Variants in ADGRV1 observed in about 807,000 individuals in gnomAD.
The protein encoded by ADGRV1 is adhesion G protein-coupled receptor V1, also known as G-protein coupled receptor 98.
A neutral mutation model predicts 596.2 loss-of-function variants in ADGRV1; 359 were observed. The ratio of observed to expected loss-of-function variants is 0.60; its 90% CI spans 0.55 to 0.66. ADGRV1 has a LOEUF of 0.66. Ranked by LOEUF, ADGRV1 falls within the 30% of genes least tolerant of loss-of-function variation. The pLI, the probability that ADGRV1 is intolerant of heterozygous loss-of-function variation, is 0.00. For missense variants in ADGRV1, 7,274 were observed against 7,575.6 expected (o/e 0.96, Z 1.48); for synonymous variants, 2,681 against 2,679.2 (o/e 1.00, Z -0.02).
At chr5:90,835,587 G>GA (rs758685728) in intron 77 of ADGRV1, among the ~76,000 whole-genome samples, 2 of 152,056 alleles carry the variant, frequency 1.3e-5, no homozygotes, top group South Asian at 4.2e-4. Flanking sequence ...ATAAAGGCAA[G>GA]AAAAATATTG....
At chr5:91,074,263 A>G (rs1159134707) in intron 86 of ADGRV1, among the ~76,000 whole-genome samples, 2 of 152,114 alleles carry the variant, frequency 1.3e-5, no homozygotes, top group Non-Finnish European at 2.9e-5. Flanking sequence ...TGTACAGATT[A>G]TTTCACCACC....
intron 85 of ADGRV1, among the ~76,000 whole-genome samples, chr5:90,988,425 G>A (rs1780672252): frequency 6.6e-6 from 1 of 152,136 alleles, no homozygotes; most frequent in Non-Finnish European, 1.5e-5. Flanking sequence ...CTTATGGAAA[G>A]CAGTGAAAAT....
chr5:90,974,325 T>C (rs187582560), intron 84 of ADGRV1, among the ~76,000 whole-genome samples: 2,508 of 152,276 alleles, frequency 0.016, 64 homozygotes, highest in African/African-American at 0.056. Flanking sequence ...CCAATGACTT[T>C]CTTCACAGAA....
intron 83 of ADGRV1, among the ~76,000 whole-genome samples, chr5:90,882,512 T>G (rs1009908400): frequency 2.0e-5 from 3 of 152,212 alleles, no homozygotes; most frequent in African/African-American, 7.2e-5. Flanking sequence ...CCTATATATT[T>G]CTTCATTACA....
chr5:90,785,113 C>A (rs1759285650), intron 67 of ADGRV1, among the ~76,000 whole-genome samples: 1 of 151,968 alleles, frequency 6.6e-6, no homozygotes, highest in Non-Finnish European at 1.5e-5. Flanking sequence ...AAAAATAACA[C>A]CACACATCTA....
At chr5:90,583,364 A>C (rs1479468281) in intron 1 of ADGRV1, among the ~76,000 whole-genome samples, 1 of 152,182 alleles carries the variant, frequency 6.6e-6, no homozygotes, top group East Asian at 1.9e-4. Context: ...GAAGCACTCT[A>C]ACATGAGTTT....
At chr5:90,662,427 T>A (rs551181094) in intron 21 of ADGRV1, among the ~76,000 whole-genome samples, 1 of 152,024 alleles carries the variant, frequency 6.6e-6, no homozygotes, top group Non-Finnish European at 1.5e-5. Context: ...TCTCCTGACC[T>A]CGTGATCCAC....
At chr5:90,770,425 C>T (rs1757569611) in intron 59 of ADGRV1, among the ~76,000 whole-genome samples, 1 of 152,170 alleles carries the variant, frequency 6.6e-6, no homozygotes, top group South Asian at 2.1e-4. Context: ...CTTTGTGGTA[C>T]TTCTTGTTAT....
chr5:90,796,241 A>G (rs898164050), intron 70 of ADGRV1, among the ~76,000 whole-genome samples: 5 of 152,184 alleles, frequency 3.3e-5, no homozygotes, highest in African/African-American at 1.2e-4. Flanking sequence ...AAAAGGTTAG[A>G]TGAATTGCTA....
chr5:90,711,130 C>G, intron 40 of ADGRV1, 54 bp from the exon 41 acceptor site: 5 of 1,581,000 alleles, frequency 3.2e-6, no homozygotes, highest in Non-Finnish European at 4.3e-6. Context: ...ATAAAAGTTT[C>G]TAAGGGAAAA....
intron 85 of ADGRV1, among the ~76,000 whole-genome samples, chr5:91,033,845 C>T (rs1286782380): frequency 3.3e-5 from 5 of 152,176 alleles, no homozygotes; most frequent in Non-Finnish European, 7.3e-5. Context: ...GATTCTTACA[C>T]ATCAGTACTG....
At position 90,991,759 on chromosome 5, in the gene ADGRV1, A is replaced by G. The variant is rs936960209; in HGVS notation, c.18152+6237A>G. 6.6e-5 allele frequency among the ~76,000 whole-genome samples: 10 copies of G among 152,382 alleles called. No individual in the cohort carries two copies. In the Middle Eastern group the frequency reaches 0.01, roughly 155 times the overall value. On this transcript the variant is annotated intron_variant, in intron 85 of 89. Coordinates refer to ENST00000405460, the MANE Select transcript of ADGRV1 (RefSeq NM_032119.4). ...CTATATTAGAAGAAATGTTATTAAT[A>G]TAGAGGACAAATCTCTATTCTAAAT...
chr5:91,112,149 G>A (rs1447083246), intron 87 of ADGRV1, among the ~76,000 whole-genome samples: 1 of 152,068 alleles, frequency 6.6e-6, no homozygotes, highest in Non-Finnish European at 1.5e-5. Context: ...TTTCACTTTT[G>A]TTTCATCTGG....
Position 90,637,838 on chromosome 5 carries a change from T to G in ADGRV1, c.2130T>G (p.Phe710Leu), listed in dbSNP as rs1357523123. ...TGACCCCGGATGATATAGGCCCCTT[T>G]AATGGCTCTGTTTTGTTTTTATCTG... is the stretch of plus-strand genomic sequence containing the variant. ...KAVTPDDIGP[F>L]NGSVLFLSGQ... The change falls in exon 11 of 90, where the codon TTT becomes TTG. Residue 710 changes from phenylalanine (F) to leucine (L), a missense_variant. This residue lies in a region of ADGRV1 where 1,715 missense variants were observed against 1,708.8 expected (regional missense o/e 1.00). Coordinates refer to ENST00000405460, the MANE Select transcript of ADGRV1 (RefSeq NM_032119.4). 1.9e-6 allele frequency: 3 copies of G among 1,613,620 alleles called. No homozygotes were observed. The Admixed American group carries it at 5.0e-5, about 27-fold the overall frequency.
intron 89 of ADGRV1, among the ~76,000 whole-genome samples, chr5:91,157,917 A>G (rs1304250852): frequency 6.6e-6 from 1 of 152,194 alleles, no homozygotes; most frequent in Non-Finnish European, 1.5e-5. Context: ...CAGGTGCTTT[A>G]CATCCTGCAG....
intron 87 of ADGRV1, among the ~76,000 whole-genome samples, chr5:91,113,750 C>A (rs1348933856): frequency 6.6e-6 from 1 of 151,946 alleles, no homozygotes; most frequent in African/African-American, 2.4e-5. Flanking sequence ...GAAACCCCAT[C>A]TCTACTAGAA....
intron 87 of ADGRV1, among the ~76,000 whole-genome samples, chr5:91,111,102 A>G (rs541552704): frequency 6.6e-6 from 1 of 152,288 alleles, no homozygotes; most frequent in East Asian, 1.9e-4. Flanking sequence ...GAAATAAGTG[A>G]TTGAAAGATA....
At chr5:90,671,645 G>C (rs1437580390) in intron 21 of ADGRV1, among the ~76,000 whole-genome samples, 3 of 152,136 alleles carry the variant, frequency 2.0e-5, no homozygotes, top group African/African-American at 7.2e-5. Flanking sequence ...CCTGATCAGA[G>C]ATGCTTATGG....
At chr5:90,746,240 T>TGGGGGGGG in intron 52 of ADGRV1, among the ~76,000 whole-genome samples, 1 of 74,654 alleles carries the variant, frequency 1.3e-5, no homozygotes, top group African/African-American at 5.3e-5. Flanking sequence ...AGAGGTGGGG[T>TGGGGGGGG]GGGGGGAGGG....
Sources: allele counts gnomAD v4.1 joint callset (sites outside exome capture counted in the v4.1 genomes callset), GRCh38; gene constraint gnomAD v4.1.1; regional missense constraint gnomAD v4.1.1; transcripts MANE v1.5; gene names NCBI Gene and HGNC (gene_info 2026-07-23, HGNC 2026-07-21).